Variants in DMD observed in about 807,000 individuals in gnomAD.
DMD encodes the protein dystrophin.
DMD carries 63 observed loss-of-function variants against 330.1 expected under a neutral mutation model. That is an observed-to-expected ratio of 0.19 (90% CI 0.16 to 0.24). The LOEUF (loss-of-function observed/expected upper bound fraction) is 0.24, where lower values mean the gene tolerates loss of function less well. Ranked by LOEUF, DMD falls within the 10% of genes least tolerant of loss-of-function variation. The pLI is 1.00. For synonymous variants in DMD, 1,223 were observed against 959.8 expected (o/e 1.27, Z -5.07); for missense variants, 3,344 against 2,684.1 (o/e 1.25, Z -5.43).
chrX:32,455,543 T>C (rs1380897966), intron 25 of DMD, among the ~76,000 whole-genome samples: 1 of 111,289 alleles, frequency 9.0e-6, no homozygotes, highest in Non-Finnish European at 1.9e-5. Context: ...GATAGTAAGA[T>C]GGCAAAACAT....
At chrX:31,566,252 T>G (rs1312859055) in intron 55 of DMD, among the ~76,000 whole-genome samples, 5 of 112,018 alleles carry the variant, frequency 4.5e-5, no homozygotes, top group African/African-American at 1.6e-4. Context: ...CATGATCTAT[T>G]TTGAATTAAG....
At chrX:32,803,073 T>C (rs2076696823) in intron 7 of DMD, among the ~76,000 whole-genome samples, 1 of 111,998 alleles carries the variant, frequency 8.9e-6, no homozygotes, top group African/African-American at 3.3e-5. Context: ...TCTGGTAGAA[T>C]TCGGCTGTGA....
At chrX:32,395,826 GAGTT>G (rs1342838715) in intron 30 of DMD, among the ~76,000 whole-genome samples, 5 of 111,392 alleles carry the variant, frequency 4.5e-5, no homozygotes, top group African/African-American at 1.6e-4. Flanking sequence ...GACTGAATGT[GAGTT>G]AGTAAGAATT....
intron 7 of DMD, among the ~76,000 whole-genome samples, chrX:32,704,517 A>T (rs748230959): frequency 1.3e-4 from 15 of 112,036 alleles, no homozygotes; most frequent in Non-Finnish European, 2.6e-4. Flanking sequence ...GCAGGAATGG[A>T]AATACAGAAT....
In DMD at chrX:33,338,482, A is replaced by AAT. The variant is rs760955299; in HGVS notation, c.7+775_7+776dup. Among the ~76,000 whole-genome samples, 337 of 110,084 alleles carry AAT rather than the reference A, an allele frequency of 3.1e-3. 1 individual carries two copies. The highest frequency in any genetic ancestry group is 8.3e-3 in the African/African-American group (252 of 30,289). On this transcript the variant is annotated intron_variant, in intron 1 of 17. Transcript: ENST00000288447. ...GGCAAAATAAATAAATAAATAAATA[A>AAT]ATAAATAAATAAATGCTCACATTTT...
intron 12 of DMD, among the ~76,000 whole-genome samples, chrX:32,603,577 T>G (rs2056413236): frequency 9.0e-6 from 1 of 110,978 alleles, no homozygotes; most frequent in Non-Finnish European, 1.9e-5. Flanking sequence ...GAGAGTTTTC[T>G]TTGAAAAGAT....
At chrX:31,264,013 C>T (rs1178355331) in intron 62 of DMD, among the ~76,000 whole-genome samples, 3 of 112,301 alleles carry the variant, frequency 2.7e-5, no homozygotes, top group Non-Finnish European at 1.9e-5. Flanking sequence ...ACACATTTAA[C>T]CCTCCAAAAT....
chrX:32,479,947 G>A (rs757041527), intron 21 of DMD, among the ~76,000 whole-genome samples: 1 of 110,983 alleles, frequency 9.0e-6, no homozygotes, highest in East Asian at 2.8e-4. Context: ...CACAGGAAAG[G>A]AAACTATTAA....
chrX:32,400,252 G>C (rs1267712827), intron 30 of DMD, among the ~76,000 whole-genome samples: 1 of 111,648 alleles, frequency 9.0e-6, no homozygotes, highest in Non-Finnish European at 1.9e-5. Flanking sequence ...TTAGATGCTG[G>C]ATTACATTTA....
At chrX:31,401,149 G>C (rs780670271) in intron 60 of DMD, among the ~76,000 whole-genome samples, 1 of 111,276 alleles carries the variant, frequency 9.0e-6, no homozygotes, top group African/African-American at 3.3e-5. Flanking sequence ...AGATTGCATG[G>C]CAGAAGCACG....
chrX:33,105,015 T>A (rs2148396441), intron 1 of DMD, among the ~76,000 whole-genome samples: 1 of 112,170 alleles, frequency 8.9e-6, no homozygotes, highest in East Asian at 2.8e-4. Context: ...GAACAGTGGC[T>A]AAAAATTATT....
chrX:32,990,184 T>C (rs753441376), intron 2 of DMD, among the ~76,000 whole-genome samples: 1 of 111,845 alleles, frequency 8.9e-6, no homozygotes, highest in African/African-American at 3.2e-5. Context: ...TCTTTGCCTA[T>C]AACATAAACT....
At chrX:32,422,633 A>C (rs2098194854) in intron 29 of DMD, among the ~76,000 whole-genome samples, 1 of 111,799 alleles carries the variant, frequency 8.9e-6, no homozygotes, top group African/African-American at 3.2e-5. Flanking sequence ...TTTCAATGAA[A>C]AATTACTAAT....
chrX:31,330,549 C>T (rs12557091), intron 61 of DMD, among the ~76,000 whole-genome samples: 41,467 of 110,573 alleles, frequency 0.38, 5,693 homozygotes, highest in African/African-American at 0.44. Context: ...AAGAGGAAAA[C>T]AGAAATGGAA....
intron 9 of DMD, among the ~76,000 whole-genome samples, chrX:32,676,150 A>G (rs764151333): frequency 9.0e-6 from 1 of 111,727 alleles, no homozygotes; most frequent in African/African-American, 3.2e-5. Context: ...CATAAATAAT[A>G]CAAAGCACGT....
At position 33,211,279 on chromosome X, in the gene DMD, T is replaced by C; in HGVS notation, c.31+3A>G. The C allele has an allele frequency of 2.5e-6, 3 of 1,209,097 alleles. No homozygotes were observed. The highest frequency in any genetic ancestry group is 3.4e-6 in the Non-Finnish European group (3 of 893,985). On this transcript the variant is annotated splice_donor_region_variant and intron_variant, in intron 1 of 78. Coordinates refer to ENST00000357033, the MANE Select transcript of DMD (RefSeq NM_004006.3). The stretch of plus-strand genomic sequence containing the variant: ...AATATATTTTTAGTTACTTTGTACT[T>C]ACAACAGTCCTCTACTTCTTCCCAC...
intron 1 of DMD, among the ~76,000 whole-genome samples, chrX:33,102,315 TG>T (rs1323564233): frequency 0.017 from 681 of 40,863 alleles, 9 homozygotes; most frequent in African/African-American, 0.035. Flanking sequence ...TGGTTTTTTT[TG>T]TTTTTTTTTT....
At chrX:31,390,400 C>A (rs149797888) in intron 60 of DMD, among the ~76,000 whole-genome samples, 1 of 110,267 alleles carries the variant, frequency 9.1e-6, no homozygotes, top group Non-Finnish European at 1.9e-5. Context: ...GCTTCTAGCT[C>A]GGGTCTCTCC....
At chrX:31,831,832 G>A (rs1431097903) in intron 49 of DMD, among the ~76,000 whole-genome samples, 1 of 112,372 alleles carries the variant, frequency 8.9e-6, no homozygotes, top group Non-Finnish European at 1.9e-5. Flanking sequence ...TCGATCTCCT[G>A]ACTTTGTGAT....
Sources: gnomAD v4.1 joint callset for allele counts (sites outside exome capture counted in the v4.1 genomes callset) on GRCh38, gnomAD v4.1.1 for gene constraint, MANE v1.5 for transcripts, NCBI Gene and HGNC (gene_info 2026-07-23, HGNC 2026-07-21) for gene names.